Variants in NFIB observed in about 807,000 individuals in gnomAD.
The protein encoded by NFIB is nuclear factor 1 B-type.
Under a neutral mutation model 61.5 loss-of-function variants are expected in NFIB, and 11 were observed. The observed-to-expected ratio is 0.18, with a 90% CI of 0.11 to 0.30. The LOEUF (loss-of-function observed/expected upper bound fraction) is 0.30, where lower values mean the gene tolerates loss of function less well. Among genes scored for constraint, NFIB ranks in the 10% least tolerant of loss-of-function variants. NFIB has a pLI of 1.00. For missense variants in NFIB, 471 were observed against 608.9 expected (o/e 0.77, Z 2.38); for synonymous variants, 260 against 216.5 (o/e 1.20, Z -1.76).
the NFIB span, among the ~76,000 whole-genome samples, chr9:14,435,333 T>C: frequency 6.6e-6 from 1 of 152,214 alleles, no homozygotes; most frequent in Admixed American, 6.5e-5. Context: ...ATGTACCAAC[T>C]GAACCACAGG....
chr9:14,237,737 A>C, intron 2 of NFIB, among the ~76,000 whole-genome samples: 1 of 145,180 alleles, frequency 6.9e-6, no homozygotes. Flanking sequence ...TTGATCTACC[A>C]AGCTCCTCAC....
At chr9:14,181,324 G>A (rs1326275739) in intron 2 of NFIB, among the ~76,000 whole-genome samples, 1 of 152,022 alleles carries the variant, frequency 6.6e-6, no homozygotes, top group Non-Finnish European at 1.5e-5. Flanking sequence ...TCCTCCAATT[G>A]TTTCCTGATT....
At chr9:14,414,717 T>C in the NFIB span, among the ~76,000 whole-genome samples, 1 of 152,080 alleles carries the variant, frequency 6.6e-6, no homozygotes, top group South Asian at 2.1e-4. Context: ...TGTTGTTACA[T>C]TTATTATTCA....
chr9:14,243,796 T>A (rs1037582360), intron 2 of NFIB, among the ~76,000 whole-genome samples: 1 of 152,300 alleles, frequency 6.6e-6, no homozygotes, highest in African/African-American at 2.4e-5. Context: ...CTAAGCTGCA[T>A]GACATCATGT....
chr9:14,102,560 T>C (rs1255043588), intron 10 of NFIB: 22 of 1,470,880 alleles, frequency 1.5e-5, no homozygotes, highest in Non-Finnish European at 2.0e-5. Context: ...GTACTACAGT[T>C]TTTAGTATTT....
chr9:14,274,974 T>G lies in NFIB; in HGVS notation c.562+32015A>C, dbSNP rs536519223. ...CATTGTTTAGGCAACAGATAAGAGA[T>G]AGTGAGGTTTTGTTTTGAAGTTAAT... On this transcript the variant is annotated intron_variant, in intron 2 of 10. Transcript: ENST00000380953. 3.3e-5 allele frequency among the ~76,000 whole-genome samples: 5 copies of G among 152,296 alleles called. No individual in the cohort carries two copies. The South Asian group carries it at 1.0e-3, about 32-fold the overall frequency.
chr9:14,414,699 G>A, the NFIB span, among the ~76,000 whole-genome samples: 2 of 151,870 alleles, frequency 1.3e-5, no homozygotes, highest in African/African-American at 4.8e-5. Context: ...CTCAGTAAAT[G>A]ACAATTTTGT....
At position 14,095,651 on chromosome 9, in the gene NFIB, T is replaced by C. The variant is rs1699930248; in HGVS notation, c.1468-7325A>G. Among the ~76,000 whole-genome samples the C allele has an allele frequency of 2.0e-5, 3 of 152,224 alleles. No individual in the cohort carries two copies. In the South Asian group the frequency reaches 6.2e-4, roughly 32 times the overall value. Reference sequence around the variant, plus strand: ...AGGCATACTAAATCAAATAGAAATATAAGTTTTATACAAAGCAAAAAGAGA... The same window carrying C: ...AGGCATACTAAATCAAATAGAAATACAAGTTTTATACAAAGCAAAAAGAGA... On this transcript the variant is annotated intron_variant, in intron 10 of 10. Coordinates refer to ENST00000380953, the MANE Select transcript of NFIB (RefSeq NM_001190737.2).
At chr9:14,093,805 A>C (rs2034333623) in intron 10 of NFIB, among the ~76,000 whole-genome samples, 1 of 152,108 alleles carries the variant, frequency 6.6e-6, no homozygotes, top group African/African-American at 2.4e-5. Context: ...AATATAACAC[A>C]AAGGCTGCAG....
rs544862654 is a variant in NFIB, at chr9:14,276,658, T to C, written c.562+30331A>G. Among the ~76,000 whole-genome samples, 8 of 152,246 alleles carry C rather than the reference T, an allele frequency of 5.3e-5. No homozygotes were observed. In the East Asian group the frequency reaches 1.2e-3, roughly 22 times the overall value. ...CTCATCTTTAGATGAGTAATAATAA[T>C]ATCTATCTTGTGAAGGTTCCTGCAA... On this transcript the variant is annotated intron_variant, in intron 2 of 10. Coordinates refer to ENST00000380953, the MANE Select transcript of NFIB (RefSeq NM_001190737.2).
chr9:14,240,800 C>A (rs979450284), intron 2 of NFIB, among the ~76,000 whole-genome samples: 1 of 152,182 alleles, frequency 6.6e-6, no homozygotes, highest in Non-Finnish European at 1.5e-5. Context: ...CTCTCCCAAG[C>A]CTCAGTTCAT....
At chr9:14,262,159 C>G (rs2056819734) in intron 2 of NFIB, among the ~76,000 whole-genome samples, 1 of 152,164 alleles carries the variant, frequency 6.6e-6, no homozygotes, top group African/African-American at 2.4e-5. Flanking sequence ...CTTCTCACTC[C>G]AGGCTCCTAA....
intron 2 of NFIB, among the ~76,000 whole-genome samples, chr9:14,290,176 C>G (rs1482993737): frequency 6.6e-6 from 1 of 152,046 alleles, no homozygotes; most frequent in African/African-American, 2.4e-5. Flanking sequence ...AATATTGAAA[C>G]AGGCATTGTG....
chr9:14,157,153 G>A (rs2131229119), intron 3 of NFIB, among the ~76,000 whole-genome samples: 1 of 152,204 alleles, frequency 6.6e-6, no homozygotes, highest in South Asian at 2.1e-4. Flanking sequence ...TAAACCCCAT[G>A]ATAAGCATGT....
Position 14,168,994 on chromosome 9 carries a change from T to C in NFIB, c.616+10733A>G, listed in dbSNP as rs2045254600. 5.9e-5 allele frequency among the ~76,000 whole-genome samples: 9 copies of C among 152,334 alleles called. 2 individuals carry two copies. The South Asian group carries it at 1.9e-3, about 32-fold the overall frequency. On this transcript the variant is annotated intron_variant, in intron 3 of 10. Transcript: ENST00000380953. Reference sequence around the variant, plus strand: ...GGTAAGCATAAAATAGCAGAATACTTTATCATGTCCCAACAGACATGATCA... The same window carrying C: ...GGTAAGCATAAAATAGCAGAATACTCTATCATGTCCCAACAGACATGATCA...
intron 2 of NFIB, among the ~76,000 whole-genome samples, chr9:14,196,078 T>G (rs1372978790): frequency 7.2e-5 from 11 of 152,160 alleles, no homozygotes; most frequent in Admixed American, 4.6e-4. Flanking sequence ...ATGAAGGATT[T>G]TTTTTTTCTA....
At chr9:14,472,272 G>A in the NFIB span, among the ~76,000 whole-genome samples, 2 of 152,188 alleles carry the variant, frequency 1.3e-5, no homozygotes, top group African/African-American at 2.4e-5. Flanking sequence ...CTAGGTCCAA[G>A]TTATGGACGA....
intron 2 of NFIB, among the ~76,000 whole-genome samples, chr9:14,288,878 A>C (rs1260908221): frequency 6.6e-6 from 1 of 151,846 alleles, no homozygotes; most frequent in Non-Finnish European, 1.5e-5. Context: ...CCATAAATGC[A>C]TTTCTCATTT....
At chr9:14,236,073 T>C (rs567398339) in intron 2 of NFIB, among the ~76,000 whole-genome samples, 1 of 152,310 alleles carries the variant, frequency 6.6e-6, no homozygotes, top group African/African-American at 2.4e-5. Context: ...GCATTGATCA[T>C]AACACAATAA....
Sources: gnomAD v4.1 joint callset for allele counts (sites outside exome capture counted in the v4.1 genomes callset) on GRCh38, gnomAD v4.1.1 for gene constraint, MANE v1.5 for transcripts, NCBI Gene and HGNC (gene_info 2026-07-23, HGNC 2026-07-21) for gene names.